BMAL2: variants seen among roughly 807,000 people sequenced by gnomAD.
The protein encoded by BMAL2 is basic helix-loop-helix ARNT-like protein 2.
chr12:27,342,026 T>C, the BMAL2 span, among the ~76,000 whole-genome samples: 6 of 150,044 alleles, frequency 4.0e-5, no homozygotes, highest in Non-Finnish European at 8.9e-5. Context: ...AACCTCCACC[T>C]CCTGGGTTCA....
chr12:27,400,511 CT>C, the BMAL2 span: 46 of 1,522,776 alleles, frequency 3.0e-5, no homozygotes, highest in Admixed American at 2.1e-4. Context: ...TCCAAATGTC[CT>C]TTTTAAAAAT....
the BMAL2 span, among the ~76,000 whole-genome samples, chr12:27,391,232 C>T: frequency 9.9e-5 from 15 of 152,014 alleles, no homozygotes; most frequent in African/African-American, 3.1e-4. Context: ...CTGTTGTTCC[C>T]GTGTTTATGT....
the BMAL2 span, among the ~76,000 whole-genome samples, chr12:27,413,344 A>T: frequency 6.6e-6 from 1 of 152,232 alleles, no homozygotes; most frequent in Non-Finnish European, 1.5e-5. Flanking sequence ...TGAATACATG[A>T]TATGTAAAAG....
the BMAL2 span, chr12:27,370,356 C>A: frequency 3.1e-6 from 2 of 652,362 alleles, no homozygotes; most frequent in Non-Finnish European, 5.3e-6. Context: ...TCCTTCCTGC[C>A]CCAATCCTTC....
the BMAL2 span, among the ~76,000 whole-genome samples, chr12:27,360,815 A>AAAAAAAAAAAAAAAAAAC: frequency 2.7e-5 from 4 of 149,290 alleles, no homozygotes; most frequent in Admixed American, 6.7e-5. Context: ...AAAAAAAAAA[A>AAAAAAAAAAAAAAAAAAC]AAAAAAAAAA....
At chr12:27,402,205 A>G in the BMAL2 span, among the ~76,000 whole-genome samples, 2 of 152,112 alleles carry the variant, frequency 1.3e-5, no homozygotes, top group Non-Finnish European at 2.9e-5. Flanking sequence ...GCCCCGTTGT[A>G]AGTCTTACTT....
At chr12:27,378,502 G>A in the BMAL2 span, among the ~76,000 whole-genome samples, 63,314 of 152,068 alleles carry the variant, frequency 0.42, 15,880 homozygotes, top group Admixed American at 0.61. Flanking sequence ...GATGTGAGAC[G>A]GTATGGCATG....
At chr12:27,390,464 G>A in the BMAL2 span, 9 of 460,024 alleles carry the variant, frequency 2.0e-5, no homozygotes, top group East Asian at 3.9e-4. Context: ...GATTTTAATG[G>A]TGTTATTGAA....
At chr12:27,368,351 T>C in the BMAL2 span, 1 of 1,614,092 alleles carries the variant, frequency 6.2e-7, no homozygotes, top group East Asian at 2.2e-5. Context: ...TATGGGGTCT[T>C]TCAGCTCACA....
chr12:27,363,001 T>C, the BMAL2 span, among the ~76,000 whole-genome samples: 57,578 of 151,892 alleles, frequency 0.38, 11,180 homozygotes, highest in East Asian at 0.45. Context: ...GACAGCATCT[T>C]GCTGTGTTGC....
chr12:27,378,477 G>A, the BMAL2 span, among the ~76,000 whole-genome samples: 1 of 152,224 alleles, frequency 6.6e-6, no homozygotes, highest in South Asian at 2.1e-4. Flanking sequence ...CTGGTAAAGA[G>A]CAAGGCATGG....
chr12:27,354,815 T>C, the BMAL2 span, among the ~76,000 whole-genome samples: 3 of 152,194 alleles, frequency 2.0e-5, no homozygotes, highest in African/African-American at 7.2e-5. Flanking sequence ...GTACCAGTTT[T>C]CCTTCCTACT....
chr12:27,409,357 A>G, the BMAL2 span, among the ~76,000 whole-genome samples: 1 of 152,232 alleles, frequency 6.6e-6, no homozygotes, highest in African/African-American at 2.4e-5. Context: ...CTACAAAGCT[A>G]CAGTAACCAA....
chr12:27,335,754 T>G, the BMAL2 span, among the ~76,000 whole-genome samples: 2 of 135,608 alleles, frequency 1.5e-5, no homozygotes, highest in Admixed American at 7.7e-5. Context: ...AGAGAGGAGG[T>G]GTGAAGTAAA....
At chr12:27,335,228 G>GT in the BMAL2 span, among the ~76,000 whole-genome samples, 5 of 151,670 alleles carry the variant, frequency 3.3e-5, no homozygotes, top group Admixed American at 2.0e-4. Context: ...TTTGTTTTGT[G>GT]TTTTTTTAAC....
chr12:27,408,078 C>A, the BMAL2 span, among the ~76,000 whole-genome samples: 1 of 152,016 alleles, frequency 6.6e-6, no homozygotes, highest in African/African-American at 2.4e-5. Flanking sequence ...CAATAACAGG[C>A]TCTGAAATTG....
the BMAL2 span, chr12:27,333,060 A>T: frequency 8.3e-7 from 1 of 1,201,438 alleles, no homozygotes; most frequent in East Asian, 3.4e-5. Context: ...GAGCCGACCA[A>T]GTGGCTCCTG....
the BMAL2 span, among the ~76,000 whole-genome samples, chr12:27,372,495 G>T: frequency 2.0e-5 from 3 of 152,076 alleles, no homozygotes; most frequent in African/African-American, 7.2e-5. Flanking sequence ...TTTAGTCCTT[G>T]CTTTCCATTC....
the BMAL2 span, among the ~76,000 whole-genome samples, chr12:27,377,220 C>T: frequency 2.0e-5 from 3 of 152,162 alleles, no homozygotes; most frequent in African/African-American, 7.2e-5. Context: ...AATTAGGAGC[C>T]AGAGCTCTGA....
Sources: allele counts gnomAD v4.1 joint callset (sites outside exome capture counted in the v4.1 genomes callset), GRCh38; gene constraint gnomAD v4.1.1; transcripts MANE v1.5; gene names NCBI Gene and HGNC (gene_info 2026-07-23, HGNC 2026-07-21).